The following RLF variants were observed in gnomAD, a reference collection of about 807,000 sequenced individuals.
RLF encodes the protein zinc finger protein Rlf.
A neutral mutation model predicts 162.9 loss-of-function variants in RLF; 7 were observed. The observed-to-expected ratio is 0.04, with a 90% CI of 0.02 to 0.08. The LOEUF (loss-of-function observed/expected upper bound fraction) is 0.08, where lower values mean the gene tolerates loss of function less well. Among genes scored for constraint, RLF ranks in the 10% least tolerant of loss-of-function variants. The probability of loss-of-function intolerance (pLI) is 1.00; values close to 1 mark genes in which losing one functional copy is unlikely to be tolerated. For missense variants in RLF, 1,664 were observed against 2,244.7 expected (o/e 0.74, Z 5.23); for synonymous variants, 782 against 791.5 (o/e 0.99, Z 0.20).
rs775966346 is a variant in RLF, at chr1:40,236,284, T to C, written c.1582T>C (p.Leu528=). The C allele has an allele frequency of 5.0e-6, 8 of 1,613,886 alleles. No homozygotes were observed. The highest frequency in any genetic ancestry group is 4.4e-5 in the South Asian group (4 of 91,072). Residue 528 remains leucine (L), a synonymous_variant, in exon 8 of 8, where the codon TTG becomes CTG. Coordinates refer to ENST00000372771, the MANE Select transcript of RLF (RefSeq NM_012421.4). This position sits in a 1 kb window ranked among gnomAD's most constrained non-coding sequence, Gnocchi z 7.7. ...AGATAAACAATATAGAAGAAGAGAT[T>C]TGACAGATCAGCATAAGGAGAAAAG... The part of the protein sequence containing the change: ...KEDKQYRRRD[L]TDQHKEKRDK...
rs78663841 is a variant in RLF at position 40,214,075 on chromosome 1, A to G, written c.811-8499A>G. Among the ~76,000 whole-genome samples the G allele has an allele frequency of 3.7e-3, 558 of 152,290 alleles. 13 individuals are homozygous for G. Among genetic ancestry groups the G allele is most frequent in the East Asian group, 0.032 (165 of 5,192 alleles). On this transcript the variant is annotated intron_variant, in intron 5 of 7. Coordinates refer to ENST00000372771, the MANE Select transcript of RLF (RefSeq NM_012421.4). ...GCCAAGGTGATCCTTTTTCTTTTTTAAGTAAAATTAGATATTTTATTTTGA... is the reference window on the plus strand; with the variant it reads ...GCCAAGGTGATCCTTTTTCTTTTTTGAGTAAAATTAGATATTTTATTTTGA...
intron 6 of RLF, among the ~76,000 whole-genome samples, chr1:40,227,101 G>A (rs1304724485): frequency 6.6e-6 from 1 of 152,140 alleles, no homozygotes; most frequent in East Asian, 1.9e-4. Context: ...CTGACCTCAG[G>A]TGAGCCACCA....
chr1:40,192,968 T>C (rs1454675979), intron 3 of RLF, among the ~76,000 whole-genome samples: 1 of 152,116 alleles, frequency 6.6e-6, no homozygotes, highest in African/African-American at 2.4e-5. Context: ...TACATAATAA[T>C]CATGGACATA....
chr1:40,240,012 A>G lies in RLF; in HGVS notation c.5310A>G (p.Glu1770=), dbSNP rs987057835. ...DLKTYKPMGF[E]SSFLKFIQES... ...AGACTTACAAACCTATGGGATTTGA[A>G]TCTTCATTTCTGAAATTTATTCAGG... The change falls in exon 8 of 8, where the codon GAA becomes GAG. Residue 1770 remains glutamate, a synonymous_variant. Coordinates refer to ENST00000372771, the MANE Select transcript of RLF (RefSeq NM_012421.4). 3.1e-6 allele frequency: 5 copies of G among 1,613,950 alleles called. No homozygotes were observed. Among genetic ancestry groups the G allele is most frequent in the East Asian group, 4.5e-5 (2 of 44,894 alleles).
At chr1:40,188,951 C>A in intron 1 of RLF, 104 bp from the exon 2 acceptor site, 1 of 649,464 alleles carries the variant, frequency 1.5e-6, no homozygotes, top group African/African-American at 1.8e-5. Context: ...AAGGTATATG[C>A]ATCTGTTAGA....
chr1:40,199,030 A>G (rs921077068), intron 4 of RLF, among the ~76,000 whole-genome samples: 5 of 152,254 alleles, frequency 3.3e-5, no homozygotes, highest in South Asian at 2.1e-4. Context: ...AATAATAGCT[A>G]TGATTTTTAG....
At chr1:40,200,920 ACACACACACACACACACACT>A (rs1557748542) in intron 4 of RLF, among the ~76,000 whole-genome samples, 2 of 128,192 alleles carry the variant, frequency 1.6e-5, no homozygotes, top group African/African-American at 3.3e-5. Flanking sequence ...ACACACACAC[ACACACACACACACACACACT>A]GGTTTATCCT....
chr1:40,191,172 A>G (rs1256623756), intron 3 of RLF, among the ~76,000 whole-genome samples: 1 of 152,226 alleles, frequency 6.6e-6, no homozygotes, highest in Non-Finnish European at 1.5e-5. Context: ...TAGCATACTT[A>G]TTGGTAACCT....
In RLF at chr1:40,222,722, T is replaced by C. The variant is rs1434664544; in HGVS notation, c.947+12T>C. 2 of 1,609,496 alleles carry C rather than the reference T, an allele frequency of 1.2e-6. No homozygotes were observed. The highest frequency in any genetic ancestry group is 1.7e-5 in the Admixed American group (1 of 59,980). Reference sequence around the variant, plus strand: ...GTATATTGTTCTTGGTAAGTATATTTAGTTTTACACTCTTTATTTGTTAGT... The same window carrying C: ...GTATATTGTTCTTGGTAAGTATATTCAGTTTTACACTCTTTATTTGTTAGT... On this transcript the variant is annotated intron_variant, in intron 6 of 7. Transcript: ENST00000372771.
chr1:40,208,810 C>T (rs1642830778), intron 5 of RLF, among the ~76,000 whole-genome samples: 1 of 152,164 alleles, frequency 6.6e-6, no homozygotes. Context: ...GAGTAAGACC[C>T]TGTCTCAAAA....
At chr1:40,219,868 T>G (rs2124552235) in intron 5 of RLF, among the ~76,000 whole-genome samples, 1 of 152,356 alleles carries the variant, frequency 6.6e-6, no homozygotes, top group South Asian at 2.1e-4. Context: ...AAAGTTAAAC[T>G]TTGCTTGTTT....
At chr1:40,188,677 C>A (rs1174435123) in intron 1 of RLF, among the ~76,000 whole-genome samples, 1 of 151,096 alleles carries the variant, frequency 6.6e-6, no homozygotes, top group Non-Finnish European at 1.5e-5. Context: ...AGGAATAATT[C>A]ATCTCTTGTT....
rs1440607375 is a variant in RLF at position 40,195,650 on chromosome 1, T to C, written c.493T>C (p.Leu165=). The change falls in exon 4 of 8, where the codon TTG becomes CTG. Residue 165 remains leucine (L), a synonymous_variant. Coordinates refer to ENST00000372771, the MANE Select transcript of RLF (RefSeq NM_012421.4). ...GTTCTAGGAGTCACATGATGCATTATTGGAATTTGGGAATAATAACCTACA... is the reference window on the plus strand; with the variant it reads ...GTTCTAGGAGTCACATGATGCATTACTGGAATTTGGGAATAATAACCTACA... ...QSLQESHDAL[L]EFGNNNLQIL... The C allele has an allele frequency of 1.9e-6, 3 of 1,612,616 alleles. No individual in the cohort carries two copies. Among genetic ancestry groups the C allele is most frequent in the Admixed American group, 1.7e-5 (1 of 59,906 alleles).
chr1:40,185,583 C>T (rs1456699543), intron 1 of RLF, among the ~76,000 whole-genome samples: 5 of 111,756 alleles, frequency 4.5e-5, no homozygotes, highest in Non-Finnish European at 8.7e-5. Flanking sequence ...GAGGCCGAGG[C>T]GGGCAGGTCA....
Position 40,238,336 on chromosome 1 carries a change from T to G in RLF, c.3634T>G (p.Cys1212Gly), listed in dbSNP as rs1570569092. The change falls in exon 8 of 8, where the codon TGT (cysteine) becomes GGT (glycine). Residue 1212 changes from cysteine (C) to glycine (G), a missense_variant. Coordinates refer to ENST00000372771, the MANE Select transcript of RLF (RefSeq NM_012421.4). This position sits in a 1 kb window ranked among gnomAD's most constrained non-coding sequence, Gnocchi z 5.2. ...TCACAAACTATTAGATAATGAAAAG[T>G]GTGATCATGAAGGCCCATGTTCAGT... The part of the protein sequence containing the change: ...ATHKLLDNEK[C>G]DHEGPCSVDR... The G allele has an allele frequency of 6.2e-7, 1 of 1,614,094 alleles. No homozygotes were observed. The highest frequency in any genetic ancestry group is 2.2e-5 in the East Asian group (1 of 44,868).
intron 6 of RLF, among the ~76,000 whole-genome samples, chr1:40,225,435 C>T (rs925839018): frequency 2.0e-5 from 3 of 151,876 alleles, no homozygotes; most frequent in African/African-American, 4.8e-5. Flanking sequence ...AAAAATTAGC[C>T]GGGCGTGGTG....
chr1:40,202,569 C>T lies in RLF; in HGVS notation c.765C>T (p.Ile255=). The T allele has an allele frequency of 6.4e-7, 1 of 1,561,298 alleles. No homozygotes were observed. The highest frequency in any genetic ancestry group is 8.6e-7 in the Non-Finnish European group (1 of 1,164,512). ...SNVSSFQQAY[I]TCLCSMLPNE... is the part of the protein sequence containing the mutation. ...TGTCATCTTTTCAGCAAGCCTATAT[C>T]ACATGTTTATGTTCTATGCTCCCTA... Residue 255 remains isoleucine, a synonymous_variant, in exon 5 of 8, where the codon ATC becomes ATT. Transcript: ENST00000372771.
chr1:40,224,832 C>A (rs1418791975), intron 6 of RLF, among the ~76,000 whole-genome samples: 6 of 150,876 alleles, frequency 4.0e-5, no homozygotes, highest in African/African-American at 1.5e-4. Flanking sequence ...ACTAAAAATA[C>A]AAAAATTAGC....
intron 1 of RLF, among the ~76,000 whole-genome samples, chr1:40,175,888 C>CCTA (rs1347594691): frequency 1.3e-5 from 2 of 151,836 alleles, no homozygotes; most frequent in African/African-American, 4.8e-5. Flanking sequence ...GAAGTTTCTT[C>CCTA]CTACTGCTTT....
Sources: gnomAD v4.1 joint callset for allele counts (sites outside exome capture counted in the v4.1 genomes callset) on GRCh38, gnomAD v4.1.1 for gene constraint, Gnocchi (gnomAD v3.1) non-coding constraint, MANE v1.5 for transcripts, NCBI Gene and HGNC (gene_info 2026-07-23, HGNC 2026-07-21) for gene names.